Variants in HEMK2 observed in about 807,000 individuals in gnomAD.
HEMK2 encodes methyltransferase HEMK2.
the HEMK2 span, among the ~76,000 whole-genome samples, chr21:28,669,660 C>T: frequency 6.6e-6 from 1 of 152,166 alleles, no homozygotes; most frequent in Non-Finnish European, 1.5e-5. Flanking sequence ...CCAGCCTAAG[C>T]CCAAGCAAGA....
At chr21:28,838,972 A>AAAATAT in the HEMK2 span, among the ~76,000 whole-genome samples, 3 of 29,160 alleles carry the variant, frequency 1.0e-4, no homozygotes, top group South Asian at 1.5e-3. Context: ...AAAAAAAAAA[A>AAAATAT]ATATATATAT....
the HEMK2 span, among the ~76,000 whole-genome samples, chr21:28,717,333 CT>C: frequency 1.3e-5 from 2 of 152,010 alleles, no homozygotes; most frequent in Admixed American, 6.6e-5. Flanking sequence ...GTTTCAACTT[CT>C]TTTTGATTCA....
the HEMK2 span, among the ~76,000 whole-genome samples, chr21:28,743,502 C>T: frequency 6.6e-6 from 1 of 151,442 alleles, no homozygotes; most frequent in African/African-American, 2.4e-5. Flanking sequence ...ATTGTTTGTA[C>T]CTAAACTTAA....
the HEMK2 span, among the ~76,000 whole-genome samples, chr21:28,638,400 G>C: frequency 6.6e-6 from 1 of 152,158 alleles, no homozygotes; most frequent in African/African-American, 2.4e-5. Context: ...CACATTGCCA[G>C]AGAGAAAACC....
the HEMK2 span, among the ~76,000 whole-genome samples, chr21:28,656,793 A>G: frequency 2.6e-5 from 4 of 152,130 alleles, no homozygotes; most frequent in Admixed American, 1.3e-4. Flanking sequence ...GCAATATAGT[A>G]CAAGGACTTA....
At chr21:28,665,832 A>G in the HEMK2 span, among the ~76,000 whole-genome samples, 4 of 152,178 alleles carry the variant, frequency 2.6e-5, no homozygotes, top group Non-Finnish European at 5.9e-5. Flanking sequence ...ACTTGGAACC[A>G]ACCCAAATGT....
chr21:28,737,480 A>G, the HEMK2 span, among the ~76,000 whole-genome samples: 6 of 152,166 alleles, frequency 3.9e-5, no homozygotes, highest in Non-Finnish European at 8.8e-5. Context: ...TTAGAGGCAG[A>G]GCCAGAGAAA....
chr21:28,711,916 G>A, the HEMK2 span, among the ~76,000 whole-genome samples: 5 of 152,066 alleles, frequency 3.3e-5, no homozygotes, highest in African/African-American at 1.2e-4. Context: ...TCCTTACATG[G>A]CAGAAAAGAG....
the HEMK2 span, among the ~76,000 whole-genome samples, chr21:28,767,446 C>T: frequency 6.6e-6 from 1 of 151,732 alleles, no homozygotes; most frequent in Non-Finnish European, 1.5e-5. Context: ...GAATTATGTT[C>T]TTGAAAAATT....
the HEMK2 span, among the ~76,000 whole-genome samples, chr21:28,817,658 A>T: frequency 6.6e-6 from 1 of 152,338 alleles, no homozygotes; most frequent in African/African-American, 2.4e-5. Flanking sequence ...GAGAGTAGTA[A>T]TTATACCATG....
chr21:28,613,619 C>CTTTTTTTTTTTTTTT, the HEMK2 span, among the ~76,000 whole-genome samples: 46 of 82,702 alleles, frequency 5.6e-4, 5 homozygotes, highest in South Asian at 2.0e-3. Context: ...TCTGCATATT[C>CTTTTTTTTTTTTTTT]TTTTTTTTTT....
chr21:28,804,144 T>C, the HEMK2 span, among the ~76,000 whole-genome samples: 42 of 152,234 alleles, frequency 2.8e-4, no homozygotes, highest in Non-Finnish European at 5.4e-4. Flanking sequence ...TGGTATTTAT[T>C]AGCTTTATCT....
the HEMK2 span, among the ~76,000 whole-genome samples, chr21:28,588,540 T>C: frequency 2.0e-5 from 3 of 152,152 alleles, no homozygotes; most frequent in African/African-American, 7.2e-5. Flanking sequence ...ATCAGATTGT[T>C]GGGGTGGAGA....
At chr21:28,756,328 T>C in the HEMK2 span, among the ~76,000 whole-genome samples, 1 of 152,156 alleles carries the variant, frequency 6.6e-6, no homozygotes, top group Non-Finnish European at 1.5e-5. Context: ...AGGCAGATCA[T>C]GCATATACCA....
At chr21:28,844,296 C>G in the HEMK2 span, among the ~76,000 whole-genome samples, 1 of 151,968 alleles carries the variant, frequency 6.6e-6, no homozygotes, top group African/African-American at 2.4e-5. Context: ...GCTTTTTTCT[C>G]CACTCTTCAT....
chr21:28,705,450 C>G, the HEMK2 span, among the ~76,000 whole-genome samples: 3 of 145,178 alleles, frequency 2.1e-5, no homozygotes, highest in African/African-American at 8.1e-5. Flanking sequence ...CCCATGTGTT[C>G]CTCATGACAG....
chr21:28,877,129 AAAGAG>A, the HEMK2 span, among the ~76,000 whole-genome samples: 18,567 of 103,886 alleles, frequency 0.18, 1,663 homozygotes, highest in South Asian at 0.26. Context: ...AGGAAGAAAA[AAAGAG>A]AAGAGAAGAG....
chr21:28,651,684 C>T, the HEMK2 span, among the ~76,000 whole-genome samples: 4 of 152,198 alleles, frequency 2.6e-5, no homozygotes, highest in East Asian at 7.7e-4. Flanking sequence ...TCTTTCAAAA[C>T]ACTTTGTTTT....
At chr21:28,766,100 A>C in the HEMK2 span, among the ~76,000 whole-genome samples, 1 of 152,238 alleles carries the variant, frequency 6.6e-6, no homozygotes, top group South Asian at 2.1e-4. Flanking sequence ...CAGGAATTGA[A>C]CAATGAGAAC....
Sources: gnomAD v4.1 joint callset for allele counts (sites outside exome capture counted in the v4.1 genomes callset) on GRCh38, gnomAD v4.1.1 for gene constraint, MANE v1.5 for transcripts, NCBI Gene and HGNC (gene_info 2026-07-23, HGNC 2026-07-21) for gene names.